ADGRL2: variants seen among roughly 807,000 people sequenced by gnomAD.
The protein encoded by ADGRL2 is calcium-independent alpha-latrotoxin receptor 2.
Under a neutral mutation model 157.4 loss-of-function variants are expected in ADGRL2, and 44 were observed. The observed-to-expected ratio is 0.28, with a 90% CI of 0.22 to 0.36. The LOEUF (loss-of-function observed/expected upper bound fraction) is 0.36, where lower values mean the gene tolerates loss of function less well. Ranked by LOEUF, ADGRL2 falls within the 10% of genes least tolerant of loss-of-function variation. The pLI is 1.00. For missense variants in ADGRL2, 1,510 were observed against 1,768.9 expected, an observed-to-expected ratio of 0.85 and a Z score of 2.63; for synonymous variants, 585 against 624.7, an observed-to-expected ratio of 0.94 and a Z score of 0.95.
At chr1:81,342,993 CTTT>C (rs1264025125) in intron 1 of ADGRL2, among the ~76,000 whole-genome samples, 1 of 151,678 alleles carries the variant, frequency 6.6e-6, no homozygotes, top group Non-Finnish European at 1.5e-5. Context: ...TAAAATAAAT[CTTT>C]TTAATGTATA....
intron 1 of ADGRL2, among the ~76,000 whole-genome samples, chr1:81,705,285 C>A (rs1036212212): frequency 3.9e-5 from 6 of 152,126 alleles, no homozygotes; most frequent in African/African-American, 1.4e-4. Context: ...CCTGCCTTGG[C>A]CTCCTAAGGT....
chr1:81,410,149 C>A (rs1214157892), intron 1 of ADGRL2, among the ~76,000 whole-genome samples: 2 of 152,156 alleles, frequency 1.3e-5, no homozygotes, highest in African/African-American at 4.8e-5. Context: ...ACTTATTTTT[C>A]ATAAACAGAT....
At chr1:81,355,810 C>A (rs1337363331) in intron 1 of ADGRL2, among the ~76,000 whole-genome samples, 2 of 152,166 alleles carry the variant, frequency 1.3e-5, no homozygotes, top group Non-Finnish European at 2.9e-5. Flanking sequence ...TGGTGACCTA[C>A]TCGCTCCCAG....
intron 2 of ADGRL2, among the ~76,000 whole-genome samples, chr1:81,875,105 TC>T (rs1210106235): frequency 6.6e-6 from 1 of 152,074 alleles, no homozygotes; most frequent in African/African-American, 2.4e-5. Context: ...ACACTCTTTC[TC>T]CCCAAAATCC....
chr1:81,385,954 C>T lies in ADGRL2; in HGVS notation c.-301-59082C>T, dbSNP rs577375091. ...TAAGTGTTAACTTGAAGTCTGAGACCACATAGCTCGATATGTCTCTATAAT... is the reference window on the plus strand; with the variant it reads ...TAAGTGTTAACTTGAAGTCTGAGACTACATAGCTCGATATGTCTCTATAAT... On this transcript the variant is annotated intron_variant, in intron 1 of 24. Transcript: ENST00000370721. Among the ~76,000 whole-genome samples the T allele has an allele frequency of 7.9e-5, 12 of 151,956 alleles. No homozygotes were observed. In the South Asian group the frequency reaches 2.3e-3, roughly 29 times the overall value.
chr1:81,734,958 G>A (rs908996415), intron 1 of ADGRL2: 29 of 140,146 alleles, frequency 2.1e-4, no homozygotes, highest in African/African-American at 6.9e-4. Flanking sequence ...GCTTAAACCC[G>A]GGGAGGTGGA....
chr1:81,501,891 A>T, intron 2 of ADGRL2: 3 of 1,609,936 alleles, frequency 1.9e-6, no homozygotes, highest in Non-Finnish European at 2.5e-6. Flanking sequence ...CAGATGAGAG[A>T]AGCCCAGTTC....
intron 3 of ADGRL2, among the ~76,000 whole-genome samples, chr1:81,929,901 A>G (rs2095190826): frequency 1.3e-5 from 2 of 152,160 alleles, no homozygotes. Context: ...GCACTATCCC[A>G]TTTAACCTTA....
chr1:81,343,246 C>T lies in ADGRL2; in HGVS notation c.-302+36737C>T, dbSNP rs1484976414. Among the ~76,000 whole-genome samples the T allele has an allele frequency of 3.3e-5, 5 of 151,656 alleles. No individual in the cohort carries two copies. The East Asian group carries it at 5.9e-4, about 18-fold the overall frequency. On this transcript the variant is annotated intron_variant, in intron 1 of 24. Coordinates refer to the ADGRL2 transcript ENST00000370721. The stretch of plus-strand genomic sequence containing the variant: ...CTGGGATTACAGGCACGTGCCACCA[C>T]GCCAAGCTAATTTTCGTATTTTTAG...
At chr1:81,315,768 AGTT>A (rs1660062676) in intron 1 of ADGRL2, among the ~76,000 whole-genome samples, 1 of 90,964 alleles carries the variant, frequency 1.1e-5, no homozygotes, top group Non-Finnish European at 2.4e-5. Context: ...ATCGGCAATT[AGTT>A]TTTTTTTTTG....
chr1:81,398,111 G>T (rs2076689360), intron 1 of ADGRL2, among the ~76,000 whole-genome samples: 1 of 151,972 alleles, frequency 6.6e-6, no homozygotes, highest in Non-Finnish European at 1.5e-5. Context: ...TATTTTATCT[G>T]ATATAAGTAT....
At chr1:81,772,258 A>T (rs1360457651) in intron 2 of ADGRL2, among the ~76,000 whole-genome samples, 1 of 152,030 alleles carries the variant, frequency 6.6e-6, no homozygotes, top group East Asian at 1.9e-4. Flanking sequence ...TCAAAAAAAA[A>T]AAAAAAAAAA....
At chr1:81,746,708 A>G (rs1158116167) in intron 1 of ADGRL2, among the ~76,000 whole-genome samples, 2 of 152,104 alleles carry the variant, frequency 1.3e-5, no homozygotes, top group Non-Finnish European at 2.9e-5. Context: ...AATGTTACAT[A>G]AAATCATATT....
chr1:81,359,614 GTTTT>G (rs1157537648), intron 1 of ADGRL2, among the ~76,000 whole-genome samples: 2 of 151,966 alleles, frequency 1.3e-5, no homozygotes, highest in Non-Finnish European at 1.5e-5. Flanking sequence ...ATATGATTAA[GTTTT>G]TATTTTTACC....
At chr1:81,605,678 G>A (rs928979260) in intron 3 of ADGRL2, among the ~76,000 whole-genome samples, 18 of 152,154 alleles carry the variant, frequency 1.2e-4, no homozygotes, top group African/African-American at 4.3e-4. Flanking sequence ...CTAGGACCTT[G>A]CAGTGATTTA....
At chr1:81,503,023 C>G (rs1011054668) in intron 2 of ADGRL2, 15 of 1,612,616 alleles carry the variant, frequency 9.3e-6, no homozygotes, top group African/African-American at 1.3e-5. Flanking sequence ...GGCAAGCCAG[C>G]AGGCTGGTAC....
At chr1:81,395,955 T>C (rs1271216833) in intron 1 of ADGRL2, among the ~76,000 whole-genome samples, 2 of 152,180 alleles carry the variant, frequency 1.3e-5, no homozygotes, top group African/African-American at 4.8e-5. Flanking sequence ...TATTTTGAAG[T>C]CAGATAGTGT....
At chr1:81,900,426 T>C (rs763601424) in intron 2 of ADGRL2, among the ~76,000 whole-genome samples, 3 of 152,172 alleles carry the variant, frequency 2.0e-5, no homozygotes, top group South Asian at 4.1e-4. Context: ...CAGGGCAAGA[T>C]TGGCCTTCAA....
At chr1:81,622,058 T>G (rs1377840907) in intron 3 of ADGRL2, among the ~76,000 whole-genome samples, 4 of 152,154 alleles carry the variant, frequency 2.6e-5, no homozygotes, top group Non-Finnish European at 5.9e-5. Flanking sequence ...TCTTAAAAAG[T>G]AGAGGAATAA....
Sources: gnomAD v4.1 joint callset for allele counts (sites outside exome capture counted in the v4.1 genomes callset) on GRCh38, gnomAD v4.1.1 for gene constraint, MANE v1.5 for transcripts, NCBI Gene and HGNC (gene_info 2026-07-23, HGNC 2026-07-21) for gene names.